The following TNIK variants were observed in gnomAD, a reference collection of about 807,000 sequenced individuals.
TNIK encodes the protein TRAF2 and NCK-interacting protein kinase.
TNIK carries 49 observed loss-of-function variants against 191.3 expected under a neutral mutation model. That is an observed-to-expected ratio of 0.26 (90% CI 0.20 to 0.32). The LOEUF (loss-of-function observed/expected upper bound fraction) is 0.32, where lower values mean the gene tolerates loss of function less well. Ranked by LOEUF, TNIK falls within the 10% of genes least tolerant of loss-of-function variation. TNIK has a pLI of 1.00. For missense variants in TNIK, 1,155 were observed against 1,702.3 expected, an observed-to-expected ratio of 0.68 and a Z score of 5.66; for synonymous variants, 594 against 600.9, an observed-to-expected ratio of 0.99 and a Z score of 0.17.
intron 10 of TNIK, among the ~76,000 whole-genome samples, chr3:171,162,910 G>C (rs1404207080): frequency 6.6e-6 from 1 of 152,202 alleles, no homozygotes; most frequent in East Asian, 1.9e-4. Flanking sequence ...AGAGCAATGA[G>C]ATATCAAAGA....
intron 2 of TNIK, among the ~76,000 whole-genome samples, chr3:171,287,776 A>C (rs34168809): frequency 0.046 from 7,008 of 152,274 alleles, 234 homozygotes; most frequent in African/African-American, 0.099. Context: ...TTGATATATA[A>C]AGGGCCAAAT....
At chr3:171,221,728 T>C in intron 3 of TNIK, among the ~76,000 whole-genome samples, 1 of 152,158 alleles carries the variant, frequency 6.6e-6, no homozygotes, top group East Asian at 1.9e-4. Flanking sequence ...CTTTCTTTCC[T>C]GGATCCTGCT....
At chr3:171,445,395 G>A (rs1018140183) in intron 1 of TNIK, among the ~76,000 whole-genome samples, 9 of 151,304 alleles carry the variant, frequency 5.9e-5, no homozygotes, top group Non-Finnish European at 1.3e-4. Context: ...CTCCAGCCTG[G>A]GTGACAGAGT....
At chr3:171,268,006 G>T (rs1019912456) in intron 2 of TNIK, among the ~76,000 whole-genome samples, 2 of 151,940 alleles carry the variant, frequency 1.3e-5, no homozygotes, top group Non-Finnish European at 2.9e-5. Flanking sequence ...AATTCAGCAT[G>T]ACCCTTCCAT....
chr3:171,105,009 A>ATAGAC (rs1049290672), intron 21 of TNIK, among the ~76,000 whole-genome samples: 5 of 152,206 alleles, frequency 3.3e-5, no homozygotes, highest in Non-Finnish European at 7.4e-5. Context: ...ACTATATTAA[A>ATAGAC]TAGACTATGC....
chr3:171,098,956 C>A (rs1039492627), intron 22 of TNIK, among the ~76,000 whole-genome samples: 3 of 152,098 alleles, frequency 2.0e-5, no homozygotes, highest in Non-Finnish European at 4.4e-5. Context: ...CCCTTATTTT[C>A]TCACATACAT....
chr3:171,158,821 T>A (rs924036506), intron 11 of TNIK, among the ~76,000 whole-genome samples: 1 of 152,142 alleles, frequency 6.6e-6, no homozygotes, highest in African/African-American at 2.4e-5. Context: ...TTACTTTAGA[T>A]GGGTGGTCAG....
chr3:171,129,191 C>T (rs142020181), intron 15 of TNIK, among the ~76,000 whole-genome samples: 5 of 152,202 alleles, frequency 3.3e-5, no homozygotes, highest in African/African-American at 4.8e-5. Context: ...ACTGATTGGT[C>T]GCAATGCCAT....
intron 2 of TNIK, among the ~76,000 whole-genome samples, chr3:171,276,527 C>A (rs1461178239): frequency 6.6e-6 from 1 of 152,136 alleles, no homozygotes; most frequent in Non-Finnish European, 1.5e-5. Context: ...GCCATACGAA[C>A]AAGAAAATTA....
chr3:171,159,400 G>A lies in TNIK; in HGVS notation c.1017-1736C>T, dbSNP rs1733676373. Among the ~76,000 whole-genome samples the A allele has an allele frequency of 6.6e-6, 1 of 151,296 alleles. No individual in the cohort carries two copies. On this transcript the variant is annotated intron_variant, in intron 11 of 32. Transcript: ENST00000436636. The surrounding 1 kb of genome is among the most constrained non-coding windows in gnomAD (Gnocchi z 4.1). Reference sequence around the variant, plus strand: ...GAGGACCAAGGATCGGTTTTGGAGAGTAGTTAGTGTGCTGTGTGAGATACT... The same window carrying A: ...GAGGACCAAGGATCGGTTTTGGAGAATAGTTAGTGTGCTGTGTGAGATACT...
intron 1 of TNIK, among the ~76,000 whole-genome samples, chr3:171,417,274 T>C (rs1723209576): frequency 6.6e-6 from 1 of 152,200 alleles, no homozygotes; most frequent in Non-Finnish European, 1.5e-5. Flanking sequence ...AATAAATTAG[T>C]AGCATATCTT....
intron 18 of TNIK, among the ~76,000 whole-genome samples, chr3:171,113,225 G>C (rs545944529): frequency 5.3e-5 from 8 of 152,150 alleles, no homozygotes; most frequent in African/African-American, 1.9e-4. Context: ...TGGAGTCTTT[G>C]TATTTTTTTT....
intron 2 of TNIK, among the ~76,000 whole-genome samples, chr3:171,281,304 T>C (rs969536526): frequency 1.3e-5 from 2 of 152,156 alleles, no homozygotes; most frequent in Admixed American, 1.3e-4. Context: ...GGAAGAGAAA[T>C]GGCATTACAC....
At chr3:171,158,545 T>C (rs1490283945) in intron 11 of TNIK, among the ~76,000 whole-genome samples, 1 of 152,264 alleles carries the variant, frequency 6.6e-6, no homozygotes, top group Non-Finnish European at 1.5e-5. Context: ...TTCTGTTTAT[T>C]CAAACGTAGC....
intron 2 of TNIK, among the ~76,000 whole-genome samples, chr3:171,302,741 G>T (rs1023356286): frequency 1.3e-5 from 2 of 152,106 alleles, no homozygotes; most frequent in East Asian, 1.9e-4. Flanking sequence ...AAATCAGAAG[G>T]TGTTAAATGT....
At chr3:171,364,471 A>G (rs1715421347) in intron 2 of TNIK, among the ~76,000 whole-genome samples, 1 of 152,200 alleles carries the variant, frequency 6.6e-6, no homozygotes, top group Admixed American at 6.5e-5. Context: ...AAAATTTAAA[A>G]CTGGGAACAA....
chr3:171,072,637 A>C (rs1029225005), intron 28 of TNIK, among the ~76,000 whole-genome samples: 40 of 152,280 alleles, frequency 2.6e-4, no homozygotes, highest in African/African-American at 9.1e-4. Flanking sequence ...AAGTGAAATT[A>C]TCTCTGCTGA....
At chr3:171,166,872 G>C (rs1331925386) in intron 10 of TNIK, among the ~76,000 whole-genome samples, 1 of 152,154 alleles carries the variant, frequency 6.6e-6, no homozygotes, top group Non-Finnish European at 1.5e-5. Context: ...TCAGTGCCTG[G>C]CAGAGGTAAT....
chr3:171,181,999 T>A (rs1736705482), intron 7 of TNIK, among the ~76,000 whole-genome samples: 1 of 152,034 alleles, frequency 6.6e-6, no homozygotes. Flanking sequence ...CTTTATTTAG[T>A]ACACATCACC....
Sources: allele counts gnomAD v4.1 joint callset (sites outside exome capture counted in the v4.1 genomes callset), GRCh38; gene constraint gnomAD v4.1.1; non-coding constraint Gnocchi (gnomAD v3.1); transcripts MANE v1.5; gene names NCBI Gene and HGNC (gene_info 2026-07-23, HGNC 2026-07-21).